The following NXN variants were observed in gnomAD, a reference collection of about 807,000 sequenced individuals.
NXN encodes the protein nucleoredoxin.
A neutral mutation model predicts 48.6 loss-of-function variants in NXN; 16 were observed. The ratio of observed to expected loss-of-function variants is 0.33; its 90% CI spans 0.22 to 0.50. NXN has a LOEUF of 0.50. Among genes scored for constraint, NXN ranks in the 20% least tolerant of loss-of-function variants. The pLI is 0.98. For missense variants in NXN, 492 were observed against 605.5 expected (o/e 0.81, Z 1.97); for synonymous variants, 281 against 269.6 (o/e 1.04, Z -0.41).
intron 1 of NXN, among the ~76,000 whole-genome samples, chr17:947,501 G>A (rs2069056647): frequency 6.6e-6 from 1 of 151,800 alleles, no homozygotes; most frequent in African/African-American, 2.4e-5. Flanking sequence ...AGGAGGCCGA[G>A]GTGGGCGGAT....
intron 1 of NXN, among the ~76,000 whole-genome samples, chr17:964,750 A>G (rs1567522906): frequency 6.6e-6 from 1 of 152,380 alleles, no homozygotes; most frequent in East Asian, 1.9e-4. Flanking sequence ...GGTAAAATTC[A>G]TGAAATAAAT....
chr17:960,973 A>C (rs2069229863), intron 1 of NXN, among the ~76,000 whole-genome samples: 1 of 151,576 alleles, frequency 6.6e-6, no homozygotes, highest in Non-Finnish European at 1.5e-5. Flanking sequence ...TTTAGTAGAG[A>C]CGGGGTTTCA....
Position 800,121 on chromosome 17 carries a change from A to C in NXN, c.*828T>G, listed in dbSNP as rs1392713131. 2.6e-5 allele frequency: 4 copies of C among 152,702 alleles called. No individual in the cohort carries two copies. Among genetic ancestry groups the C allele is most frequent in the East Asian group, 3.9e-4 (2 of 5,188 alleles). 9.5% of individuals were successfully genotyped at this position (152,702 alleles called of 1,614,324 possible). A position where few individuals can be genotyped will look rare whatever the true frequency, so the allele number is the denominator to read the frequency against. ...ACAGAGCAAGACTCCATCTCAAAAA[A>C]AAGAAAATAAAAGGGAATGGCAGGG... is the stretch of plus-strand genomic sequence containing the variant. On this transcript the variant is annotated 3_prime_UTR_variant, in exon 8 of 8. Coordinates refer to ENST00000336868, the MANE Select transcript of NXN (RefSeq NM_022463.5).
chr17:935,843 G>A (rs374026998), intron 1 of NXN, among the ~76,000 whole-genome samples: 1 of 151,966 alleles, frequency 6.6e-6, no homozygotes, highest in Admixed American at 6.6e-5. Flanking sequence ...CTATAATCCC[G>A]GCACTTTGGG....
intron 5 of NXN, 25 bp downstream of exon 5, chr17:819,414 C>G (rs772581634): frequency 3.2e-6 from 5 of 1,585,208 alleles, no homozygotes; most frequent in Non-Finnish European, 4.3e-6. Flanking sequence ...AGGAGCCACA[C>G]GGAGCCGGGG....
Position 849,922 on chromosome 17 carries a change from G to A in NXN, c.361-23844C>T, listed in dbSNP as rs575229630. Among the ~76,000 whole-genome samples the A allele has an allele frequency of 2.0e-5, 3 of 152,194 alleles. No homozygotes were observed. The highest frequency in any genetic ancestry group is 3.9e-4 in the East Asian group (2 of 5,156). On this transcript the variant is annotated intron_variant, in intron 1 of 7. Transcript: ENST00000336868. This position sits in a 1 kb window ranked among gnomAD's most constrained non-coding sequence, Gnocchi z 4.2. ...AAGCTGCAGAGCCCCCAAGGAGCCC[G>A]AGAGCGACCTGCTCCTGAAACCCCA...
At position 956,521 on chromosome 17, in the gene NXN, C is replaced by T. The variant is rs2069170399; in HGVS notation, c.360+22798G>A. The stretch of plus-strand genomic sequence containing the variant: ...CTCCACCTCCCGGGTTCCCGCCATT[C>T]TCCTGCCTCAGCCTCCCAAGTAGCT... On this transcript the variant is annotated intron_variant, in intron 1 of 7. Transcript: ENST00000336868. This position sits in a 1 kb window ranked among gnomAD's most constrained non-coding sequence, Gnocchi z 4.1. 6.6e-6 allele frequency among the ~76,000 whole-genome samples: 1 copy of T among 152,196 alleles called. No individual in the cohort carries two copies. The highest frequency in any genetic ancestry group is 1.5e-5 in the Non-Finnish European group (1 of 68,034).
chr17:880,656 T>C (rs1374917036), intron 1 of NXN, among the ~76,000 whole-genome samples: 3 of 152,112 alleles, frequency 2.0e-5, no homozygotes, highest in Non-Finnish European at 4.4e-5. Context: ...CCACAGAATC[T>C]TCCAAGTTCG....
intron 1 of NXN, among the ~76,000 whole-genome samples, chr17:922,310 G>A (rs972764724): frequency 6.6e-5 from 10 of 151,974 alleles, no homozygotes; most frequent in Admixed American, 6.6e-4. Flanking sequence ...GTGGTGGCGG[G>A]CACCTGTAGT....
chr17:911,401 G>A (rs1329471975), intron 1 of NXN, among the ~76,000 whole-genome samples: 6 of 144,170 alleles, frequency 4.2e-5, no homozygotes, highest in African/African-American at 1.3e-4. Flanking sequence ...GTGCAGTGGC[G>A]CGATCTCGGC....
rs542964289 is a variant in NXN, at chr17:857,911, A to G, written c.361-31833T>C. ...AGAGAAGAGTCTTGCTTTGATGTCA[A>G]TAAATTACTAACGTTTCTCTAACAC... On this transcript the variant is annotated intron_variant, in intron 1 of 7. Coordinates refer to ENST00000336868, the MANE Select transcript of NXN (RefSeq NM_022463.5). Among the ~76,000 whole-genome samples, 4 of 152,254 alleles carry G rather than the reference A, an allele frequency of 2.6e-5. No homozygotes were observed. In the East Asian group the frequency reaches 7.7e-4, roughly 29 times the overall value.
At chr17:923,156 C>T (rs572588366) in intron 1 of NXN, among the ~76,000 whole-genome samples, 28 of 151,710 alleles carry the variant, frequency 1.8e-4, no homozygotes, top group African/African-American at 6.0e-4. Flanking sequence ...ACCACCTGGA[C>T]GGCGCGGTGG....
chr17:870,980 T>C (rs2144806570), intron 1 of NXN, among the ~76,000 whole-genome samples: 1 of 152,042 alleles, frequency 6.6e-6, no homozygotes, highest in African/African-American at 2.4e-5. Context: ...TGCCTCAGCC[T>C]CCCGAGTAGC....
At chr17:838,223 C>T (rs1913939155) in intron 1 of NXN, among the ~76,000 whole-genome samples, 1 of 150,258 alleles carries the variant, frequency 6.7e-6, no homozygotes. Context: ...CCTCTGCCTC[C>T]TGGGTTCAAG....
intron 1 of NXN, among the ~76,000 whole-genome samples, chr17:964,620 C>T (rs945171269): frequency 5.9e-5 from 9 of 152,212 alleles, no homozygotes; most frequent in Admixed American, 2.0e-4. Context: ...TTCACCCTCA[C>T]GCCTACATCT....
intron 1 of NXN, among the ~76,000 whole-genome samples, chr17:896,340 CAA>C (rs34491878): frequency 3.7e-5 from 5 of 134,876 alleles, no homozygotes; most frequent in African/African-American, 2.7e-5. Flanking sequence ...AACTCCATCT[CAA>C]AAAAAAAAAA....
chr17:872,908 C>G (rs948541922), intron 1 of NXN, among the ~76,000 whole-genome samples: 3 of 152,124 alleles, frequency 2.0e-5, no homozygotes, highest in Non-Finnish European at 2.9e-5. Context: ...TGTGAGCCAC[C>G]ACACCCAGCT....
rs1015108417 is a variant in NXN at position 920,407 on chromosome 17, C to T, written c.360+58912G>A. Among the ~76,000 whole-genome samples the T allele has an allele frequency of 5.9e-5, 9 of 152,072 alleles. No individual in the cohort carries two copies. In the East Asian group the frequency reaches 1.6e-3, roughly 26 times the overall value. On this transcript the variant is annotated intron_variant, in intron 1 of 7. Coordinates refer to ENST00000336868, the MANE Select transcript of NXN (RefSeq NM_022463.5). This position sits in a 1 kb window ranked among gnomAD's most constrained non-coding sequence, Gnocchi z 4.6. ...GATACCTAGGCCCTCCTGTCATGCC[C>T]CAAGGCCAATGTAGCCTTGGGGATG...
At chr17:865,908 G>A (rs568469634) in intron 1 of NXN, among the ~76,000 whole-genome samples, 15 of 152,074 alleles carry the variant, frequency 9.9e-5, no homozygotes, top group South Asian at 2.1e-4. Context: ...GCTTGAACCC[G>A]GGAGGTGGAG....
Sources: allele counts gnomAD v4.1 joint callset (sites outside exome capture counted in the v4.1 genomes callset), GRCh38; gene constraint gnomAD v4.1.1; non-coding constraint Gnocchi (gnomAD v3.1); transcripts MANE v1.5; gene names NCBI Gene and HGNC (gene_info 2026-07-23, HGNC 2026-07-21).